The following CPNE4 variants were observed in gnomAD, a reference collection of about 807,000 sequenced individuals.
CPNE4 encodes the protein copine-4.
A neutral mutation model predicts 67.9 loss-of-function variants in CPNE4; 25 were observed. That is an observed-to-expected ratio of 0.37 (90% confidence interval 0.27 to 0.51). CPNE4 has a LOEUF of 0.51. Among genes scored for constraint, CPNE4 ranks in the 20% least tolerant of loss-of-function variants. The pLI, the probability that CPNE4 is intolerant of heterozygous loss-of-function variation, is 0.93. For missense variants in CPNE4, 464 were observed against 690.8 expected (o/e 0.67, Z 3.68); for synonymous variants, 242 against 244.9 (o/e 0.99, Z 0.11).
rs569686449 is a variant in CPNE4, at chr3:131,727,176, T to C, written c.181-3551A>G. 4.4e-4 allele frequency among the ~76,000 whole-genome samples: 67 copies of C among 152,330 alleles called. No homozygotes were observed. In the South Asian group the frequency reaches 0.013, roughly 30 times the overall value. On this transcript the variant is annotated intron_variant, in intron 2 of 15. Transcript: ENST00000429747. ...GCACTTGAACTCATGCCTTCTGACCTCAAAGTCTGGACTACTTTCCTCAAT... is the reference window on the plus strand; with the variant it reads ...GCACTTGAACTCATGCCTTCTGACCCCAAAGTCTGGACTACTTTCCTCAAT...
In CPNE4 at chr3:131,542,782, G is replaced by A. The variant is rs769788839; in HGVS notation, c.1314C>T (p.Ile438=). 6 of 1,609,748 alleles carry A rather than the reference G, an allele frequency of 3.7e-6. No individual in the cohort carries two copies. The highest frequency in any genetic ancestry group is 3.3e-5 in the Admixed American group (2 of 59,768). The change falls in exon 15 of 16, where the codon ATC becomes ATT. Residue 438 remains isoleucine (I), a synonymous_variant. Coordinates refer to ENST00000429747, the MANE Select transcript of CPNE4 (RefSeq NM_130808.3). ...TNTKEASQYF[I]LLILTDGVIT... ...TAACACCATCTGTCAGGATCAGCAG[G>A]ATGAAGTATTGCTGCAGTCAGATGC... is the stretch of plus-strand genomic sequence containing the variant.
At chr3:131,814,104 A>G (rs543645058) in intron 2 of CPNE4, among the ~76,000 whole-genome samples, 2 of 152,284 alleles carry the variant, frequency 1.3e-5, no homozygotes, top group South Asian at 4.2e-4. Context: ...ATAGGCACCT[A>G]TATACATGGG....
chr3:131,612,484 G>C (rs935969067), intron 7 of CPNE4, among the ~76,000 whole-genome samples: 5 of 152,168 alleles, frequency 3.3e-5, no homozygotes, highest in Admixed American at 2.0e-4. Context: ...GGTTTTCCCT[G>C]AAGTGAGGAG....
upstream of CPNE4, chr3:132,035,081 G>C (rs2074317405): frequency 2.0e-6 from 2 of 985,172 alleles, no homozygotes; most frequent in Admixed American, 6.1e-5. Flanking sequence ...CGCCCCCTGG[G>C]GGTTGCTGAC....
chr3:131,975,377 G>C (rs538255994), intron 1 of CPNE4, among the ~76,000 whole-genome samples: 144 of 152,316 alleles, frequency 9.5e-4, no homozygotes, highest in African/African-American at 3.3e-3. Context: ...ACCTGGGCAT[G>C]AGAATGACTT....
At chr3:131,551,993 C>T (rs185722590) in intron 13 of CPNE4, among the ~76,000 whole-genome samples, 82 of 150,586 alleles carry the variant, frequency 5.4e-4, no homozygotes, top group African/African-American at 1.4e-3. Flanking sequence ...TGTCCTTGGC[C>T]GATATGCCGA....
chr3:131,656,073 G>A (rs574044695), intron 7 of CPNE4, among the ~76,000 whole-genome samples: 153 of 116,056 alleles, frequency 1.3e-3, no homozygotes, highest in Non-Finnish European at 2.0e-3. Flanking sequence ...TTTTTTTTGT[G>A]ACTTGCATTC....
chr3:131,590,946 C>G (rs140655581), intron 7 of CPNE4, among the ~76,000 whole-genome samples: 17 of 152,270 alleles, frequency 1.1e-4, no homozygotes, highest in African/African-American at 3.8e-4. Context: ...GAAGTTCTAC[C>G]TCATTTTTCA....
At chr3:131,652,263 A>G (rs376757495) in intron 7 of CPNE4, among the ~76,000 whole-genome samples, 1 of 152,202 alleles carries the variant, frequency 6.6e-6, no homozygotes, top group Non-Finnish European at 1.5e-5. Context: ...AGCCTTCTCT[A>G]TCAGTTTAGT....
intron 2 of CPNE4, among the ~76,000 whole-genome samples, chr3:131,887,241 C>T (rs569121187): frequency 5.6e-4 from 85 of 152,272 alleles, no homozygotes; most frequent in African/African-American, 1.6e-3. Context: ...TCTGCTTTTG[C>T]GTCTTCGTCA....
chr3:131,726,035 A>G (rs2081991764), intron 2 of CPNE4, among the ~76,000 whole-genome samples: 2 of 152,196 alleles, frequency 1.3e-5, no homozygotes, highest in Non-Finnish European at 2.9e-5. Flanking sequence ...GAGGATTTGG[A>G]AATAACCCCA....
chr3:131,919,337 CGTG>C (rs2070677930), intron 1 of CPNE4, among the ~76,000 whole-genome samples: 2 of 152,110 alleles, frequency 1.3e-5, no homozygotes, highest in Non-Finnish European at 2.9e-5. Flanking sequence ...ATAACTAGAT[CGTG>C]GTCAATTCAT....
chr3:131,700,808 G>A (rs1342297480), intron 3 of CPNE4, among the ~76,000 whole-genome samples: 1 of 151,874 alleles, frequency 6.6e-6, no homozygotes, highest in Non-Finnish European at 1.5e-5. Flanking sequence ...TGTTTATTGT[G>A]GCACTATTCA....
chr3:131,947,255 CAT>C (rs1286049429), intron 1 of CPNE4, among the ~76,000 whole-genome samples: 4 of 152,070 alleles, frequency 2.6e-5, no homozygotes, highest in Admixed American at 6.5e-5. Flanking sequence ...TTCTGGGAAA[CAT>C]GTGCAGAACA....
intron 5 of CPNE4, among the ~76,000 whole-genome samples, chr3:131,689,987 G>C (rs963557712): frequency 6.6e-6 from 1 of 151,958 alleles, no homozygotes; most frequent in African/African-American, 2.4e-5. Flanking sequence ...TAACCAAAGA[G>C]GTAAAAGATC....
chr3:131,999,550 C>T (rs1920000), intron 1 of CPNE4, among the ~76,000 whole-genome samples: 13,347 of 152,000 alleles, frequency 0.088, 709 homozygotes, highest in Non-Finnish European at 0.12. Context: ...CAATATTAAG[C>T]TCTATTTCAA....
At chr3:131,604,586 G>C (rs1181491581) in intron 7 of CPNE4, among the ~76,000 whole-genome samples, 2 of 152,078 alleles carry the variant, frequency 1.3e-5, no homozygotes, top group African/African-American at 4.8e-5. Flanking sequence ...CATGAAAAGA[G>C]AGACTGGCCT....
At chr3:131,593,417 T>C (rs990268296) in intron 7 of CPNE4, among the ~76,000 whole-genome samples, 1 of 152,214 alleles carries the variant, frequency 6.6e-6, no homozygotes, top group Non-Finnish European at 1.5e-5. Context: ...CTGTTCTTGA[T>C]GCTATTGTAA....
chr3:131,586,726 A>ATCTATCTATCTGTCTGTCTG (rs1333232108), intron 8 of CPNE4, among the ~76,000 whole-genome samples: 3 of 129,600 alleles, frequency 2.3e-5, no homozygotes, highest in African/African-American at 1.1e-4. Flanking sequence ...TTCTATCTCT[A>ATCTATCTATCTGTCTGTCTG]TCTGTCTGTC....
Sources: allele counts gnomAD v4.1 joint callset (sites outside exome capture counted in the v4.1 genomes callset), GRCh38; gene constraint gnomAD v4.1.1; transcripts MANE v1.5; gene names NCBI Gene and HGNC (gene_info 2026-07-23, HGNC 2026-07-21).